Variants in MME observed in about 807,000 individuals in gnomAD.
MME encodes membrane metalloendopeptidase, also known as neprilysin.
MME carries 98 observed loss-of-function variants against 113.2 expected under a neutral mutation model. The observed-to-expected ratio is 0.87, with a 90% CI of 0.74 to 1.02. MME has a LOEUF of 1.02. Ranked by LOEUF, MME falls within the 50% of genes least tolerant of loss-of-function variation. MME has a pLI of 0.00. For synonymous variants in MME, 292 were observed against 300.6 expected, an observed-to-expected ratio of 0.97 and a Z score of 0.30; for missense variants, 836 against 896.0, an observed-to-expected ratio of 0.93 and a Z score of 0.86.
chr3:155,109,508 A>G (rs1717996006), intron 3 of MME, among the ~76,000 whole-genome samples: 1 of 152,200 alleles, frequency 6.6e-6, no homozygotes. Context: ...GGTTGCCATG[A>G]TGTAAGCCCA....
In MME at chr3:155,094,365, C is replaced by A. The variant is rs571749640; in HGVS notation, c.196+9271C>A. 3.3e-5 allele frequency among the ~76,000 whole-genome samples: 5 copies of A among 152,262 alleles called. No individual in the cohort carries two copies. The South Asian group carries it at 1.0e-3, about 32-fold the overall frequency. The stretch of plus-strand genomic sequence containing the variant: ...AGTGTCTCATTTTACAGGGAAACAG[C>A]AAAGACTAACGACAGCCTATTTCAT... On this transcript the variant is annotated intron_variant, in intron 3 of 22. Coordinates refer to ENST00000360490, the MANE Select transcript of MME (RefSeq NM_007289.4).
chr3:155,158,114 A>G (rs879565588), intron 16 of MME, among the ~76,000 whole-genome samples: 6 of 152,128 alleles, frequency 3.9e-5, no homozygotes, highest in Admixed American at 3.3e-4. Flanking sequence ...CATTAATTTC[A>G]TATATCCTGT....
intron 8 of MME, among the ~76,000 whole-genome samples, chr3:155,122,149 A>G (rs1248444202): frequency 1.2e-3 from 169 of 143,754 alleles, no homozygotes; most frequent in African/African-American, 4.2e-3. Context: ...GTCTTGGGAG[A>G]GTGTATGTGT....
At chr3:155,135,158 A>G (rs1234358453) in intron 8 of MME, among the ~76,000 whole-genome samples, 4 of 152,042 alleles carry the variant, frequency 2.6e-5, no homozygotes, top group Non-Finnish European at 5.9e-5. Context: ...CCCACTTGTC[A>G]ATATTTGTTT....
chr3:155,040,401 A>C (rs985926924), intron 1 of MME, among the ~76,000 whole-genome samples: 1 of 152,134 alleles, frequency 6.6e-6, no homozygotes, highest in Non-Finnish European at 1.5e-5. Context: ...CTGAACAGAC[A>C]CTTGCCTATG....
intron 3 of MME, among the ~76,000 whole-genome samples, chr3:155,095,236 T>A (rs942212607): frequency 6.6e-5 from 10 of 152,206 alleles, no homozygotes; most frequent in Non-Finnish European, 2.9e-5. Flanking sequence ...TTAAGGGGTA[T>A]AGGAATTGCC....
chr3:155,099,427 C>A (rs1717015899), intron 3 of MME, among the ~76,000 whole-genome samples: 1 of 152,020 alleles, frequency 6.6e-6, no homozygotes, highest in South Asian at 2.1e-4. Context: ...CAGAGGAGTC[C>A]AACTACAGTG....
chr3:155,083,892 T>C, intron 1 of MME: 1 of 406,934 alleles, frequency 2.5e-6, no homozygotes, highest in East Asian at 5.3e-5. Context: ...ACTGTCTAAT[T>C]TTGCTGAGAT....
intron 8 of MME, among the ~76,000 whole-genome samples, chr3:155,130,424 T>C (rs1720046053): frequency 6.6e-6 from 1 of 151,868 alleles, no homozygotes; most frequent in Non-Finnish European, 1.5e-5. Flanking sequence ...AACTGGAGAG[T>C]AGAAGCTACA....
chr3:155,066,451 A>G (rs1243520151), intron 1 of MME, among the ~76,000 whole-genome samples: 1 of 152,094 alleles, frequency 6.6e-6, no homozygotes, highest in Non-Finnish European at 1.5e-5. Flanking sequence ...CCTCAACCCA[A>G]TAGTGGAGGC....
At chr3:155,042,940 GTATATATATATATA>G (rs57585504) in intron 1 of MME, among the ~76,000 whole-genome samples, 2 of 53,580 alleles carry the variant, frequency 3.7e-5, no homozygotes, top group Admixed American at 2.8e-4. Flanking sequence ...ATATATATAT[GTATATATATATATA>G]TATATCACAT....
intron 8 of MME, among the ~76,000 whole-genome samples, chr3:155,136,514 A>C (rs796196345): frequency 6.6e-5 from 10 of 152,338 alleles, no homozygotes; most frequent in African/African-American, 2.4e-4. Flanking sequence ...TAGCAATCAC[A>C]GCTAGATAGT....
At chr3:155,100,371 A>T (rs1291299469) in intron 3 of MME, among the ~76,000 whole-genome samples, 1 of 152,234 alleles carries the variant, frequency 6.6e-6, no homozygotes, top group African/African-American at 2.4e-5. Flanking sequence ...CACACCAGTT[A>T]GAATGGCGAT....
intron 1 of MME, among the ~76,000 whole-genome samples, chr3:155,062,075 A>G (rs1030858649): frequency 5.9e-5 from 9 of 152,146 alleles, no homozygotes; most frequent in African/African-American, 2.2e-4. Context: ...ATTTCTATGT[A>G]TTGTGCTTAT....
At chr3:155,138,066 C>T in intron 8 of MME, 36 bp from the exon 9 acceptor site, 1 of 1,610,142 alleles carries the variant, frequency 6.2e-7, no homozygotes, top group Non-Finnish European at 8.5e-7. Flanking sequence ...ATATTTAGAG[C>T]TACTCCAACA....
chr3:155,119,163 T>C (rs1559930251), intron 8 of MME, among the ~76,000 whole-genome samples: 1 of 152,202 alleles, frequency 6.6e-6, no homozygotes, highest in East Asian at 1.9e-4. Flanking sequence ...AGGGTGGTGC[T>C]GGTGAGGACC....
chr3:155,144,846 C>T (rs148669784), intron 14 of MME, among the ~76,000 whole-genome samples: 2 of 152,040 alleles, frequency 1.3e-5, no homozygotes, highest in African/African-American at 4.8e-5. Flanking sequence ...TAAGATTTCT[C>T]AGGAAATCTT....
intron 3 of MME, among the ~76,000 whole-genome samples, chr3:155,106,512 C>A (rs1184157002): frequency 6.6e-6 from 1 of 152,148 alleles, no homozygotes; most frequent in Non-Finnish European, 1.5e-5. Flanking sequence ...TGCTAGTTTT[C>A]AGTCATTTTC....
chr3:155,161,612 C>T (rs555620413), intron 17 of MME, among the ~76,000 whole-genome samples: 20 of 152,272 alleles, frequency 1.3e-4, no homozygotes, highest in African/African-American at 2.2e-4. Flanking sequence ...AAGTTATCTA[C>T]AGTTTCTTCT....
Sources: allele counts gnomAD v4.1 joint callset (sites outside exome capture counted in the v4.1 genomes callset), GRCh38; gene constraint gnomAD v4.1.1; transcripts MANE v1.5; gene names NCBI Gene and HGNC (gene_info 2026-07-23, HGNC 2026-07-21).